KCNQ1: variants seen among roughly 807,000 people sequenced by gnomAD.
The protein encoded by KCNQ1 is potassium voltage-gated channel subfamily KQT member 1.
KCNQ1 carries 49 observed loss-of-function variants against 72.4 expected under a neutral mutation model. The observed-to-expected ratio is 0.68, with a 90% confidence interval of 0.54 to 0.86. The LOEUF is 0.86. Ranked by LOEUF, KCNQ1 falls within the 40% of genes least tolerant of loss-of-function variation. The probability of loss-of-function intolerance (pLI) is 0.00; values close to 1 mark genes in which losing one functional copy is unlikely to be tolerated. For synonymous variants in KCNQ1, 450 were observed against 412.6 expected, an observed-to-expected ratio of 1.09 and a Z score of -1.10; for missense variants, 790 against 945.1, an observed-to-expected ratio of 0.84 and a Z score of 2.15.
At chr11:2,503,069 A>C (rs760742600) in intron 1 of KCNQ1, among the ~76,000 whole-genome samples, 2 of 152,372 alleles carry the variant, frequency 1.3e-5, no homozygotes, top group Non-Finnish European at 2.9e-5. Flanking sequence ...TAAGACTTCA[A>C]ACTATGAAAC....
chr11:2,555,439 C>T (rs1409736575), intron 2 of KCNQ1, among the ~76,000 whole-genome samples: 2 of 152,202 alleles, frequency 1.3e-5, no homozygotes, highest in Non-Finnish European at 2.9e-5. Context: ...AACAGCCCTG[C>T]CTGGGGAAGA....
chr11:2,839,117 G>T (rs1227852059), intron 15 of KCNQ1, among the ~76,000 whole-genome samples: 1 of 152,336 alleles, frequency 6.6e-6, no homozygotes, highest in East Asian at 1.9e-4. Flanking sequence ...CCGGGCTAGG[G>T]ATAGGCCAGC....
chr11:2,718,087 GCCGGGTTGACA>G (rs1330100461), intron 11 of KCNQ1, among the ~76,000 whole-genome samples: 1 of 152,204 alleles, frequency 6.6e-6, no homozygotes, highest in Non-Finnish European at 1.5e-5. Context: ...TTCTGGAAGA[GCCGGGTTGACA>G]CCCGCGTGCC....
In KCNQ1 at chr11:2,813,522, C is replaced by CCCT. The variant is rs2134043390; in HGVS notation, c.1795-34244_1795-34242dup. On this transcript the variant is annotated intron_variant, in intron 15 of 15. Coordinates refer to ENST00000155840, the MANE Select transcript of KCNQ1 (RefSeq NM_000218.3). The surrounding 1 kb of genome is among the most constrained non-coding windows in gnomAD (Gnocchi z 4.4). ...ACCAAGTCCTGACAACACCTCCAGC[C>CCCT]CCTGTCTCTATGGTCCCCTCCTTGA... is the stretch of plus-strand genomic sequence containing the variant. 6.6e-6 allele frequency among the ~76,000 whole-genome samples: 1 copy of CCCT among 152,246 alleles called. No homozygotes were observed. Among genetic ancestry groups the CCCT allele is most frequent in the East Asian group, 1.9e-4 (1 of 5,150 alleles).
chr11:2,569,053 T>C (rs1041473885), intron 2 of KCNQ1, among the ~76,000 whole-genome samples: 28 of 152,210 alleles, frequency 1.8e-4, no homozygotes, highest in East Asian at 1.9e-4. Context: ...GCCAGGCTAA[T>C]TTTTGTATTT....
intron 10 of KCNQ1, chr11:2,610,408 G>C (rs113796600): frequency 4.5e-5 from 18 of 398,192 alleles, no homozygotes; most frequent in African/African-American, 2.9e-4. Context: ...TATATTTCTA[G>C]TTTCTGTTTT....
intron 12 of KCNQ1, among the ~76,000 whole-genome samples, chr11:2,773,793 T>G (rs1043578048): frequency 1.4e-5 from 2 of 147,894 alleles, no homozygotes; most frequent in African/African-American, 5.0e-5. Flanking sequence ...CATTCCATCT[T>G]ACAGAAGGGA....
intron 2 of KCNQ1, among the ~76,000 whole-genome samples, chr11:2,529,502 T>C (rs1315053722): frequency 6.6e-6 from 1 of 152,140 alleles, no homozygotes; most frequent in Non-Finnish European, 1.5e-5. Flanking sequence ...ATGGTTTCAT[T>C]ATGTAGATTG....
intron 15 of KCNQ1, among the ~76,000 whole-genome samples, chr11:2,807,422 C>T (rs372787653): frequency 9.2e-5 from 14 of 152,334 alleles, no homozygotes; most frequent in East Asian, 3.9e-4. Flanking sequence ...CTGTGCCGCC[C>T]GCGGTCGCTG....
intron 1 of KCNQ1, among the ~76,000 whole-genome samples, chr11:2,467,423 C>T (rs986034762): frequency 2.0e-5 from 3 of 152,058 alleles, no homozygotes; most frequent in Non-Finnish European, 4.4e-5. Context: ...GCCCTGGTCC[C>T]CTGGCTTGAT....
chr11:2,594,722 TG>T (rs968732650), intron 10 of KCNQ1, among the ~76,000 whole-genome samples: 1 of 152,220 alleles, frequency 6.6e-6, no homozygotes, highest in African/African-American at 2.4e-5. Flanking sequence ...AATCCTTGTA[TG>T]GGGGTTTAAT....
In KCNQ1 at chr11:2,712,462, C is replaced by T. The variant is rs1851021780; in HGVS notation, c.1514+50381C>T. On this transcript the variant is annotated intron_variant, in intron 11 of 15. Transcript: ENST00000155840. The surrounding 1 kb of genome is among the most constrained non-coding windows in gnomAD (Gnocchi z 6.4). ...TGTGGGGAGACTCAGAGCAGAGCCC[C>T]CAGTAATCATAGTGAGGTATTTAGG... Among the ~76,000 whole-genome samples the T allele has an allele frequency of 6.6e-6, 1 of 152,134 alleles. No homozygotes were observed. Among genetic ancestry groups the T allele is most frequent in the South Asian group, 2.1e-4 (1 of 4,836 alleles).
rs71476688 is a variant in KCNQ1, at chr11:2,752,175, T to C, written c.1515-16669T>C. Among the ~76,000 whole-genome samples the C allele has an allele frequency of 0.06, 9,148 of 152,204 alleles. 463 individuals are homozygous for C. Among genetic ancestry groups the C allele is most frequent in the East Asian group, 0.23 (1,170 of 5,160 alleles). On this transcript the variant is annotated intron_variant, in intron 11 of 15. Coordinates refer to ENST00000155840, the MANE Select transcript of KCNQ1 (RefSeq NM_000218.3). The surrounding 1 kb of genome is among the most constrained non-coding windows in gnomAD (Gnocchi z 5.2). ...TGAGTTGCATCGTGTTGTGTTGACT[T>C]GAGCTGAACTGTGCTGAGTGTTACT... is the stretch of plus-strand genomic sequence containing the variant.
chr11:2,490,348 ACT>A (rs1846815040), intron 1 of KCNQ1, among the ~76,000 whole-genome samples: 1 of 152,210 alleles, frequency 6.6e-6, no homozygotes, highest in Non-Finnish European at 1.5e-5. Flanking sequence ...ACTTGGGGGA[ACT>A]CACCACCCTA....
intron 11 of KCNQ1, among the ~76,000 whole-genome samples, chr11:2,744,565 GC>G (rs1846107610): frequency 6.6e-6 from 1 of 152,150 alleles, no homozygotes; most frequent in African/African-American, 2.4e-5. Context: ...TGTTTCCTGG[GC>G]CCCATGCCAT....
intron 15 of KCNQ1, among the ~76,000 whole-genome samples, chr11:2,844,089 T>C (rs1321897330): frequency 6.6e-6 from 1 of 152,144 alleles, no homozygotes; most frequent in African/African-American, 2.4e-5. Flanking sequence ...GGGAGGTGCT[T>C]CTCAGGCTCC....
chr11:2,641,977 C>G (rs1008938688), intron 10 of KCNQ1: 52 of 398,292 alleles, frequency 1.3e-4, no homozygotes, highest in African/African-American at 1.0e-3. Flanking sequence ...CTACTCTGTT[C>G]CATTGGTCTA....
intron 11 of KCNQ1, among the ~76,000 whole-genome samples, chr11:2,761,837 C>T (rs1042594373): frequency 5.3e-5 from 8 of 152,226 alleles, no homozygotes; most frequent in African/African-American, 9.6e-5. Context: ...CAGTCCCGGC[C>T]GGCTGTTTGC....
chr11:2,507,263 G>A lies in KCNQ1; in HGVS notation c.387-20665G>A, dbSNP rs1376803855. Among the ~76,000 whole-genome samples, 1 of 152,174 alleles carries A rather than the reference G, an allele frequency of 6.6e-6. No homozygotes were observed. Among genetic ancestry groups the A allele is most frequent in the Admixed American group, 6.5e-5 (1 of 15,274 alleles). The stretch of plus-strand genomic sequence containing the variant: ...AATCTTTTCTCAGAGAGTGGCCTGA[G>A]ACCTCTTCCTTAGAAGTTCACCCCA... On this transcript the variant is annotated intron_variant, in intron 1 of 15. Coordinates refer to ENST00000155840, the MANE Select transcript of KCNQ1 (RefSeq NM_000218.3). The surrounding 1 kb of genome is among the most constrained non-coding windows in gnomAD (Gnocchi z 5.4).
Sources: gnomAD v4.1 joint callset for allele counts (sites outside exome capture counted in the v4.1 genomes callset) on GRCh38, gnomAD v4.1.1 for gene constraint, Gnocchi (gnomAD v3.1) non-coding constraint, MANE v1.5 for transcripts, NCBI Gene and HGNC (gene_info 2026-07-23, HGNC 2026-07-21) for gene names.